The following ERGIC1 variants were observed in gnomAD, a reference collection of about 807,000 sequenced individuals.
ERGIC1 encodes the protein endoplasmic reticulum-golgi intermediate compartment 1.
In ERGIC1, 19 loss-of-function variants were observed where a neutral mutation model predicts 38.3. The observed-to-expected ratio is 0.50, with a 90% CI of 0.35 to 0.73. ERGIC1 has a LOEUF of 0.73. ERGIC1 is among the 30% of genes least tolerant of loss of function. The probability of loss-of-function intolerance (pLI) is 0.01; values close to 1 mark genes in which losing one functional copy is unlikely to be tolerated. For synonymous variants in ERGIC1, 124 were observed against 157.6 expected, an observed-to-expected ratio of 0.79 and a Z score of 1.60; for missense variants, 294 against 389.2, an observed-to-expected ratio of 0.76 and a Z score of 2.06.
chr5:172,925,473 A>G (rs1763630579), intron 6 of ERGIC1, among the ~76,000 whole-genome samples: 1 of 152,186 alleles, frequency 6.6e-6, no homozygotes. Context: ...TGTTGAGAAC[A>G]TGCAGGTGTG....
At chr5:172,843,651 C>T (rs537259088) in intron 1 of ERGIC1, among the ~76,000 whole-genome samples, 2 of 152,346 alleles carry the variant, frequency 1.3e-5, no homozygotes, top group South Asian at 4.1e-4. Context: ...ACCCTGGCCA[C>T]CCTTTCTGAA....
In ERGIC1 at chr5:172,858,569, G is replaced by A. The variant is rs1193153016; in HGVS notation, c.20+24136G>A. On this transcript the variant is annotated intron_variant, in intron 1 of 9. Transcript: ENST00000393784. ...ACACAGAAGAAAGTCATAGACACTC[G>A]GGGTGGGGCAGAGGGGCCCTCACTG... Among the ~76,000 whole-genome samples, 9 of 152,306 alleles carry A rather than the reference G, an allele frequency of 5.9e-5. No homozygotes were observed. The South Asian group carries it at 8.3e-4, about 14-fold the overall frequency.
chr5:172,906,249 C>T, intron 3 of ERGIC1: 1 of 449,006 alleles, frequency 2.2e-6, no homozygotes, highest in Admixed American at 2.4e-5. Context: ...TCTTCCTTGA[C>T]CCTGATGCTG....
At chr5:172,845,242 G>A (rs1761258747) in intron 1 of ERGIC1, among the ~76,000 whole-genome samples, 2 of 152,116 alleles carry the variant, frequency 1.3e-5, no homozygotes, top group South Asian at 4.1e-4. Flanking sequence ...GTTGCCTTGG[G>A]GGCAACAGAC....
At chr5:172,899,216 G>A (rs1229121231) in intron 3 of ERGIC1, among the ~76,000 whole-genome samples, 1 of 152,024 alleles carries the variant, frequency 6.6e-6, no homozygotes, top group Non-Finnish European at 1.5e-5. Flanking sequence ...AATCAGCCAG[G>A]TCAAAGTGAG....
intron 1 of ERGIC1, among the ~76,000 whole-genome samples, chr5:172,850,151 C>CCTTTCGG (rs1761367770): frequency 1.3e-5 from 2 of 152,200 alleles, no homozygotes; most frequent in South Asian, 4.1e-4. Context: ...GCTGGTTCCA[C>CCTTTCGG]CTTTCGGGCC....
At chr5:172,878,388 C>G (rs968984532) in intron 1 of ERGIC1, among the ~76,000 whole-genome samples, 1 of 152,138 alleles carries the variant, frequency 6.6e-6, no homozygotes, top group African/African-American at 2.4e-5. Context: ...TGTTCTACTG[C>G]CAGACTGTGC....
At position 172,841,684 on chromosome 5, in the gene ERGIC1, G is replaced by A. The variant is rs917497442; in HGVS notation, c.20+7251G>A. 3.9e-5 allele frequency among the ~76,000 whole-genome samples: 6 copies of A among 152,302 alleles called. No homozygotes were observed. The South Asian group carries it at 1.2e-3, about 32-fold the overall frequency. ...TTTCTCAGATTCTGGTCTGGGTCTT[G>A]AATATCTTTGGAGGAGGAGAAGTAA... is the stretch of plus-strand genomic sequence containing the variant. On this transcript the variant is annotated intron_variant, in intron 1 of 9. Coordinates refer to ENST00000393784, the MANE Select transcript of ERGIC1 (RefSeq NM_001031711.3).
chr5:172,944,224 G>C (rs1055712110), intron 9 of ERGIC1, among the ~76,000 whole-genome samples: 1 of 152,188 alleles, frequency 6.6e-6, no homozygotes, highest in African/African-American at 2.4e-5. Context: ...CCTCATCCCC[G>C]ACGGGGAAGA....
At chr5:172,878,042 C>G (rs1459989125) in intron 1 of ERGIC1, among the ~76,000 whole-genome samples, 5 of 152,186 alleles carry the variant, frequency 3.3e-5, no homozygotes, top group Non-Finnish European at 7.3e-5. Flanking sequence ...ACTCTTCTTC[C>G]TCTTTGTCCA....
At chr5:172,857,890 A>ATTC (rs2113079911) in intron 1 of ERGIC1, among the ~76,000 whole-genome samples, 1 of 151,858 alleles carries the variant, frequency 6.6e-6, no homozygotes, top group East Asian at 1.9e-4. Context: ...TCATTCATAC[A>ATTC]TTCACTCACT....
intron 1 of ERGIC1, among the ~76,000 whole-genome samples, chr5:172,858,446 G>A (rs1178558512): frequency 1.3e-5 from 2 of 152,224 alleles, no homozygotes; most frequent in African/African-American, 4.8e-5. Context: ...TGAGCAAGGG[G>A]CCGGTGGTCT....
intron 6 of ERGIC1, 80 bp downstream of exon 6, chr5:172,924,189 T>C (rs758187129): frequency 1.5e-5 from 20 of 1,304,408 alleles, no homozygotes; most frequent in Non-Finnish European, 2.2e-5. Context: ...CTGCCCTCTC[T>C]GGGCACTAGG....
At chr5:172,893,181 C>T (rs1762610971) in intron 2 of ERGIC1, among the ~76,000 whole-genome samples, 1 of 152,168 alleles carries the variant, frequency 6.6e-6, no homozygotes, top group African/African-American at 2.4e-5. Context: ...GAATTTCACT[C>T]TTGTTGCCCA....
intron 1 of ERGIC1, among the ~76,000 whole-genome samples, chr5:172,865,701 C>T (rs1360222871): frequency 1.3e-5 from 2 of 152,180 alleles, no homozygotes; most frequent in Non-Finnish European, 1.5e-5. Flanking sequence ...AGGTCACACA[C>T]GTGGAATCAT....
chr5:172,946,877 ATT>A (rs10555416), intron 9 of ERGIC1, among the ~76,000 whole-genome samples: 47,523 of 148,502 alleles, frequency 0.32, 7,738 homozygotes, highest in Non-Finnish European at 0.35. Context: ...TTCTCTCAGC[ATT>A]TTTTTTTTTT....
chr5:172,889,082 C>G lies in ERGIC1; in HGVS notation c.82+322C>G, dbSNP rs558563853. ...GGTGGATCAATTGACATCAGGAGTT[C>G]GAGACCAGGCTGACCAACATGCTGA... On this transcript the variant is annotated intron_variant, in intron 2 of 9. Coordinates refer to ENST00000393784, the MANE Select transcript of ERGIC1 (RefSeq NM_001031711.3). Among the ~76,000 whole-genome samples, 325 of 152,232 alleles carry G rather than the reference C, an allele frequency of 2.1e-3. 1 individual carries two copies. The highest frequency in any genetic ancestry group is 3.6e-3 in the Non-Finnish European group (244 of 68,004).
At chr5:172,873,940 A>G (rs1762080043) in intron 1 of ERGIC1, among the ~76,000 whole-genome samples, 1 of 152,184 alleles carries the variant, frequency 6.6e-6, no homozygotes, top group South Asian at 2.1e-4. Flanking sequence ...GAAGTTAGAT[A>G]TAAACACATG....
At position 172,866,053 on chromosome 5, in the gene ERGIC1, A is replaced by G. The variant is rs150834828; in HGVS notation, c.21-22646A>G. Among the ~76,000 whole-genome samples the G allele has an allele frequency of 3.0e-3, 458 of 152,280 alleles. 2 individuals carry two copies. Among genetic ancestry groups the G allele is most frequent in the Admixed American group, 5.2e-3 (79 of 15,292 alleles). ...GGTAAATTTGTACTACCTATGTACA[A>G]TTTCTTAACAGATCCTTTGAGTGAG... is the stretch of plus-strand genomic sequence containing the variant. On this transcript the variant is annotated intron_variant, in intron 1 of 9. Coordinates refer to ENST00000393784, the MANE Select transcript of ERGIC1 (RefSeq NM_001031711.3).
Sources: gnomAD v4.1 joint callset for allele counts (sites outside exome capture counted in the v4.1 genomes callset) on GRCh38, gnomAD v4.1.1 for gene constraint, MANE v1.5 for transcripts, NCBI Gene and HGNC (gene_info 2026-07-23, HGNC 2026-07-21) for gene names.